The following GSG1L variants were observed in gnomAD, a reference collection of about 807,000 sequenced individuals.
GSG1L encodes germ cell-specific gene 1-like protein.
Under a neutral mutation model 42.1 loss-of-function variants are expected in GSG1L, and 24 were observed. That is an observed-to-expected ratio of 0.57 (90% CI 0.41 to 0.80). The LOEUF (loss-of-function observed/expected upper bound fraction) is 0.80, where lower values mean the gene tolerates loss of function less well. Among genes scored for constraint, GSG1L ranks in the 30% least tolerant of loss-of-function variants. The probability of loss-of-function intolerance (pLI) is 0.00; values close to 1 mark genes in which losing one functional copy is unlikely to be tolerated. For synonymous variants in GSG1L, 215 were observed against 203.5 expected, an observed-to-expected ratio of 1.06 and a Z score of -0.48; for missense variants, 445 against 472.2, an observed-to-expected ratio of 0.94 and a Z score of 0.53.
chr16:27,904,499 C>T (rs1312205217), intron 2 of GSG1L, among the ~76,000 whole-genome samples: 2 of 152,088 alleles, frequency 1.3e-5, no homozygotes, highest in Non-Finnish European at 2.9e-5. Context: ...GCATGTATGA[C>T]CATTCAGCAG....
chr16:28,051,502 G>A (rs1272968609), intron 1 of GSG1L, among the ~76,000 whole-genome samples: 1 of 146,316 alleles, frequency 6.8e-6, no homozygotes, highest in Non-Finnish European at 1.5e-5. Flanking sequence ...GTAGGGGGAA[G>A]TGTTACGAAA....
chr16:27,942,190 C>T (rs1281612576), intron 2 of GSG1L, among the ~76,000 whole-genome samples: 5 of 149,476 alleles, frequency 3.3e-5, no homozygotes, highest in African/African-American at 1.2e-4. Flanking sequence ...TGCTCTATTC[C>T]CCAGGCTAGA....
chr16:27,844,246 C>T (rs1356467350), intron 4 of GSG1L, among the ~76,000 whole-genome samples: 3 of 152,218 alleles, frequency 2.0e-5, no homozygotes, highest in Non-Finnish European at 4.4e-5. Context: ...ACCCCTTGTT[C>T]ACTTACGCTT....
chr16:27,902,398 G>T (rs1405694040), intron 2 of GSG1L, among the ~76,000 whole-genome samples: 1 of 152,174 alleles, frequency 6.6e-6, no homozygotes, highest in Non-Finnish European at 1.5e-5. Flanking sequence ...AACCCCTCTG[G>T]TGACATTTGT....
chr16:27,885,011 A>T (rs1277924225), intron 2 of GSG1L, among the ~76,000 whole-genome samples: 1 of 152,156 alleles, frequency 6.6e-6, no homozygotes, highest in Non-Finnish European at 1.5e-5. Context: ...CGATGGCCTC[A>T]TCAGACCAAT....
At chr16:28,058,274 C>A (rs2141202119) in intron 1 of GSG1L, among the ~76,000 whole-genome samples, 1 of 152,298 alleles carries the variant, frequency 6.6e-6, no homozygotes, top group South Asian at 2.1e-4. Flanking sequence ...TGTTTACTCA[C>A]CTAGGAAATG....
At chr16:27,864,572 G>T (rs1596565584) in intron 3 of GSG1L, among the ~76,000 whole-genome samples, 1 of 152,206 alleles carries the variant, frequency 6.6e-6, no homozygotes. Context: ...GTGCCCACCT[G>T]CAGCCACAAA....
At chr16:28,012,783 G>C (rs1388182537) in intron 1 of GSG1L, among the ~76,000 whole-genome samples, 1 of 151,672 alleles carries the variant, frequency 6.6e-6, no homozygotes, top group Admixed American at 6.6e-5. Context: ...TGTAGTCCCA[G>C]CTACTCGGGA....
rs2084886187 is a variant in GSG1L at position 27,947,384 on chromosome 16, A to AAAG, written c.397+15771_397+15772insCTT. ...GGAGGAGGAGAGAAAGAAAGAAAGA[A>AAAG]AAAGAAAGAAAGAAAGAAAGAAAGA... On this transcript the variant is annotated intron_variant, in intron 2 of 6. Coordinates refer to ENST00000447459, the MANE Select transcript of GSG1L (RefSeq NM_001109763.2). Among the ~76,000 whole-genome samples the AAAG allele has an allele frequency of 3.1e-5, 4 of 130,762 alleles. No individual in the cohort carries two copies. The South Asian group carries it at 7.6e-4, about 25-fold the overall frequency. 85.8% of individuals were successfully genotyped at this position (130,762 alleles called of 152,430 possible). A position where few individuals can be genotyped will look rare whatever the true frequency, so the allele number is the denominator to read the frequency against.
chr16:28,061,054 C>T (rs749550945), intron 1 of GSG1L, among the ~76,000 whole-genome samples: 3 of 152,112 alleles, frequency 2.0e-5, no homozygotes, highest in Non-Finnish European at 4.4e-5. Context: ...AGGACCACTC[C>T]GGTGCCAGAG....
chr16:27,846,150 A>G (rs2083441011), intron 3 of GSG1L, among the ~76,000 whole-genome samples: 1 of 152,158 alleles, frequency 6.6e-6, no homozygotes, highest in African/African-American at 2.4e-5. Flanking sequence ...TGCACTTCCT[A>G]ACTGTTCATT....
chr16:27,850,265 G>A (rs1289407860), intron 3 of GSG1L, among the ~76,000 whole-genome samples: 3 of 151,856 alleles, frequency 2.0e-5, no homozygotes, highest in African/African-American at 4.8e-5. Context: ...CTGATCTCAG[G>A]TGATCTGCCC....
At position 27,789,588 on chromosome 16, in the gene GSG1L, G is replaced by C. The variant is rs1483245890; in HGVS notation, c.*1782C>G. The C allele has an allele frequency of 6.6e-6, 1 of 152,158 alleles. No homozygotes were observed. The highest frequency in any genetic ancestry group is 1.9e-4 in the East Asian group (1 of 5,182). The allele number at this position is 152,158 out of a possible 1,614,324, so 9.4% of individuals were successfully genotyped here. A position where few individuals can be genotyped will look rare whatever the true frequency, so the allele number is the denominator to read the frequency against. ...ATGGTTGAATGGATAAGGGATGAAT[G>C]GATGATGGATAGATGGAGGAATGGA... On this transcript the variant is annotated 3_prime_UTR_variant, in exon 7 of 7. Coordinates refer to ENST00000447459, the MANE Select transcript of GSG1L (RefSeq NM_001109763.2).
intron 2 of GSG1L, among the ~76,000 whole-genome samples, chr16:27,919,946 T>A (rs1372970062): frequency 6.6e-6 from 1 of 152,176 alleles, no homozygotes; most frequent in Admixed American, 6.5e-5. Flanking sequence ...TTGATGAGGA[T>A]CTATCCCATC....
intron 4 of GSG1L, among the ~76,000 whole-genome samples, chr16:27,840,406 T>G (rs563532436): frequency 1.3e-5 from 2 of 152,170 alleles, no homozygotes; most frequent in South Asian, 4.2e-4. Context: ...AACCTTAATC[T>G]GATTCACTTG....
chr16:27,901,493 C>T (rs61553930), intron 2 of GSG1L, among the ~76,000 whole-genome samples: 19,107 of 152,204 alleles, frequency 0.13, 1,810 homozygotes, highest in Admixed American at 0.25. Flanking sequence ...ACCAACTCTG[C>T]TATTGTTTCT....
chr16:27,937,137 C>T (rs1478363939), intron 2 of GSG1L, among the ~76,000 whole-genome samples: 2 of 152,224 alleles, frequency 1.3e-5, no homozygotes, highest in Non-Finnish European at 2.9e-5. Flanking sequence ...CTGTGGCTCT[C>T]AAGGCTCCAG....
chr16:28,043,197 T>C (rs1192576696), intron 1 of GSG1L, among the ~76,000 whole-genome samples: 1 of 152,188 alleles, frequency 6.6e-6, no homozygotes, highest in Non-Finnish European at 1.5e-5. Context: ...TCTCTGGCTT[T>C]GGTGAAAGTG....
At chr16:27,963,233 T>C (rs2085091203) in intron 1 of GSG1L, 30 bp from the exon 2 acceptor site, 1 of 1,609,180 alleles carries the variant, frequency 6.2e-7, no homozygotes, top group Middle Eastern at 1.7e-4. Flanking sequence ...GTTTTCAGAA[T>C]GTGAGAGGAC....
Sources: gnomAD v4.1 joint callset for allele counts (sites outside exome capture counted in the v4.1 genomes callset) on GRCh38, gnomAD v4.1.1 for gene constraint, MANE v1.5 for transcripts, NCBI Gene and HGNC (gene_info 2026-07-23, HGNC 2026-07-21) for gene names.